Variants in RASGRF1 observed in about 807,000 individuals in gnomAD.
The protein encoded by RASGRF1 is ras-specific guanine nucleotide-releasing factor 1.
A neutral mutation model predicts 138.7 loss-of-function variants in RASGRF1; 40 were observed. That is an observed-to-expected ratio of 0.29 (90% CI 0.22 to 0.38). RASGRF1 has a LOEUF of 0.38. Among genes scored for constraint, RASGRF1 ranks in the 10% least tolerant of loss-of-function variants. The probability of loss-of-function intolerance (pLI) is 1.00; values close to 1 mark genes in which losing one functional copy is unlikely to be tolerated. For synonymous variants in RASGRF1, 614 were observed against 663.2 expected, an observed-to-expected ratio of 0.93 and a Z score of 1.14; for missense variants, 1,108 against 1,650.4, an observed-to-expected ratio of 0.67 and a Z score of 5.69.
At chr15:78,983,682 G>A (rs2056085216) in intron 23 of RASGRF1, among the ~76,000 whole-genome samples, 1 of 152,256 alleles carries the variant, frequency 6.6e-6, no homozygotes, top group African/African-American at 2.4e-5. Context: ...AAACGAGGTT[G>A]GGTGACTTGG....
chr15:79,031,119 G>A (rs988668399), intron 8 of RASGRF1, among the ~76,000 whole-genome samples: 7 of 152,224 alleles, frequency 4.6e-5, no homozygotes, highest in African/African-American at 1.7e-4. Context: ...GTCATGGACA[G>A]TCCCTCTCCT....
intron 26 of RASGRF1, among the ~76,000 whole-genome samples, chr15:78,967,220 G>A (rs1031784812): frequency 1.3e-5 from 2 of 152,082 alleles, no homozygotes; most frequent in Non-Finnish European, 2.9e-5. Flanking sequence ...TTGAGCCTGG[G>A]TGACAGAGTG....
intron 22 of RASGRF1, 90 bp from the exon 23 acceptor site, chr15:78,985,294 T>C: frequency 1.5e-6 from 2 of 1,299,592 alleles, no homozygotes; most frequent in East Asian, 4.7e-5. Flanking sequence ...GATTGCCTGC[T>C]TGAAAATACA....
intron 10 of RASGRF1, among the ~76,000 whole-genome samples, chr15:79,024,394 ACAT>A (rs1239135009): frequency 6.6e-6 from 1 of 151,676 alleles, no homozygotes; most frequent in Non-Finnish European, 1.5e-5. Flanking sequence ...ACAAATACAC[ACAT>A]CATATACACA....
chr15:79,070,936 G>C (rs1015903090), intron 1 of RASGRF1, among the ~76,000 whole-genome samples: 1 of 152,148 alleles, frequency 6.6e-6, no homozygotes, highest in Admixed American at 6.5e-5. Context: ...TGCCCATCTC[G>C]TGGGTGACTG....
chr15:78,995,864 G>A (rs568366991), intron 19 of RASGRF1, 64 bp from the exon 20 acceptor site: 9 of 1,532,588 alleles, frequency 5.9e-6, no homozygotes, highest in African/African-American at 5.5e-5. Context: ...TCCCCAGCTC[G>A]GACAGCCCCA....
intron 10 of RASGRF1, among the ~76,000 whole-genome samples, 181 bp downstream of exon 10, chr15:79,025,133 C>T (rs1032470834): frequency 3.3e-5 from 5 of 152,162 alleles, no homozygotes; most frequent in Admixed American, 1.3e-4. Flanking sequence ...AGTGGAAAAT[C>T]GGTCAAGTTC....
chr15:79,023,089 G>C (rs2056985267), intron 10 of RASGRF1, among the ~76,000 whole-genome samples: 1 of 152,116 alleles, frequency 6.6e-6, no homozygotes, highest in African/African-American at 2.4e-5. Flanking sequence ...CAGGAGAATG[G>C]GGTGAACCCA....
At chr15:78,969,494 C>G (rs997110622) in intron 26 of RASGRF1, among the ~76,000 whole-genome samples, 141 of 152,202 alleles carry the variant, frequency 9.3e-4, no homozygotes, top group African/African-American at 3.3e-3. Flanking sequence ...CGTGGTGAAA[C>G]CCCGTCTCTA....
chr15:79,052,406 C>T (rs2057445122), intron 3 of RASGRF1, among the ~76,000 whole-genome samples: 1 of 152,232 alleles, frequency 6.6e-6, no homozygotes, highest in South Asian at 2.1e-4. Context: ...GCTCAGCTCT[C>T]TCTCCTGCCT....
intron 15 of RASGRF1, 110 bp downstream of exon 15, chr15:79,003,692 C>T (rs2056597227): frequency 5.4e-6 from 8 of 1,475,202 alleles, no homozygotes; most frequent in Middle Eastern, 2.3e-4. Context: ...AAGCCTCTCC[C>T]TTCCTTCCCC....
At chr15:79,060,667 T>C (rs2057591689) in intron 2 of RASGRF1, among the ~76,000 whole-genome samples, 1 of 152,208 alleles carries the variant, frequency 6.6e-6, no homozygotes, top group South Asian at 2.1e-4. Flanking sequence ...CTGGACAGAC[T>C]GTAGAGCAGA....
chr15:79,033,350 C>T (rs1010984943), intron 6 of RASGRF1, among the ~76,000 whole-genome samples: 1 of 152,004 alleles, frequency 6.6e-6, no homozygotes, highest in African/African-American at 2.4e-5. Flanking sequence ...TCAAGTGATT[C>T]TCCCACCTCA....
rs1486091460 is a variant in RASGRF1 at position 78,973,288 on chromosome 15, C to G, written c.3612+15G>C. The G allele has an allele frequency of 3.0e-5, 47 of 1,575,378 alleles. No individual in the cohort carries two copies. The highest frequency in any genetic ancestry group is 3.8e-5 in the Non-Finnish European group (44 of 1,150,102). On this transcript the variant is annotated intron_variant, in intron 25 of 26. Transcript: ENST00000558480. This position sits in a 1 kb window ranked among gnomAD's most constrained non-coding sequence, Gnocchi z 4.9. Reference sequence around the variant, plus strand: ...TCAACGCCCCCCTTCCCCTGCCTGGCTGGGGGGAACGCACCATCCTCATCT... The same window carrying G: ...TCAACGCCCCCCTTCCCCTGCCTGGGTGGGGGGAACGCACCATCCTCATCT...
At chr15:79,090,174 A>G in intron 1 of RASGRF1, 49 bp downstream of exon 1, 2 of 1,531,940 alleles carry the variant, frequency 1.3e-6, no homozygotes, top group Non-Finnish European at 1.7e-6. Flanking sequence ...CTGAGCCCCC[A>G]GGGCCGCGGC....
At chr15:79,051,153 G>T (rs916977201) in intron 3 of RASGRF1, among the ~76,000 whole-genome samples, 1 of 152,172 alleles carries the variant, frequency 6.6e-6, no homozygotes, top group African/African-American at 2.4e-5. Flanking sequence ...TTCTCTCTTG[G>T]GAACACATGG....
At chr15:79,054,967 G>C (rs916162658) in intron 3 of RASGRF1, among the ~76,000 whole-genome samples, 2 of 152,208 alleles carry the variant, frequency 1.3e-5, no homozygotes, top group African/African-American at 4.8e-5. Flanking sequence ...CATCAGAAGA[G>C]AGGTGGACTA....
Position 78,999,743 on chromosome 15 carries a change from C to A in RASGRF1, c.2746G>T (p.Gly916Trp). The change falls in exon 17 of 27, where the codon GGG becomes TGG. Residue 916 changes from glycine (G) to tryptophan (W), a missense_variant and splice_region_variant. This residue lies in a region of RASGRF1 where 686 missense variants were observed against 976.7 expected (regional missense o/e 0.70). Coordinates refer to ENST00000558480, the MANE Select transcript of RASGRF1 (RefSeq NM_001145648.3). Reference sequence around the variant, plus strand: ...TGTGAGTGGAGAACACCCCACATACCTGCACTGGCTAAGGACATCCTCCGG... The same window carrying A: ...TGTGAGTGGAGAACACCCCACATACATGCACTGGCTAAGGACATCCTCCGG... ...KYRRMSLASA[G>W]FPPDQRNGDK... 6.2e-7 allele frequency: 1 copy of A among 1,613,398 alleles called. No homozygotes were observed. Among genetic ancestry groups the A allele is most frequent in the Non-Finnish European group, 8.5e-7 (1 of 1,179,826 alleles).
intron 1 of RASGRF1, among the ~76,000 whole-genome samples, chr15:79,079,083 A>G (rs2057878800): frequency 6.6e-6 from 1 of 152,234 alleles, no homozygotes; most frequent in African/African-American, 2.4e-5. Context: ...CTGGGGGCCC[A>G]TGTCAGTGTA....
Sources: allele counts gnomAD v4.1 joint callset (sites outside exome capture counted in the v4.1 genomes callset), GRCh38; gene constraint gnomAD v4.1.1; regional missense constraint gnomAD v4.1.1; non-coding constraint Gnocchi (gnomAD v3.1); transcripts MANE v1.5; gene names NCBI Gene and HGNC (gene_info 2026-07-23, HGNC 2026-07-21).